Variants in MDGA2 observed in about 807,000 individuals in gnomAD.
MDGA2 encodes the protein MAM domain-containing glycosylphosphatidylinositol anchor protein 2.
MDGA2 carries 40 observed loss-of-function variants against 117.8 expected under a neutral mutation model. That is an observed-to-expected ratio of 0.34 (90% CI 0.26 to 0.44). The LOEUF is 0.44. MDGA2 is among the 20% of genes least tolerant of loss of function. MDGA2 has a pLI of 1.00. For synonymous variants in MDGA2, 452 were observed against 439.0 expected (o/e 1.03, Z -0.37); for missense variants, 1,123 against 1,250.6 (o/e 0.90, Z 1.54).
intron 3 of MDGA2, among the ~76,000 whole-genome samples, chr14:47,205,230 A>G (rs887280055): frequency 1.3e-5 from 2 of 151,566 alleles, no homozygotes; most frequent in Admixed American, 1.3e-4. Flanking sequence ...TGCTAAGTCA[A>G]CTCTTTCTTG....
At chr14:47,602,733 G>A (rs1187076907) in intron 1 of MDGA2, among the ~76,000 whole-genome samples, 1 of 152,166 alleles carries the variant, frequency 6.6e-6, no homozygotes, top group Admixed American at 6.5e-5. Flanking sequence ...ATGCAAACCA[G>A]ACAAAAGAGA....
chr14:47,018,733 G>GGAAAAAA (rs1888172108), intron 8 of MDGA2, among the ~76,000 whole-genome samples: 2 of 38,662 alleles, frequency 5.2e-5, no homozygotes, highest in African/African-American at 1.1e-4. Context: ...CCATTTTACT[G>GGAAAAAA]AAAAAAAAAA....
intron 1 of MDGA2, among the ~76,000 whole-genome samples, chr14:47,472,257 C>A (rs1893743780): frequency 6.6e-6 from 1 of 152,130 alleles, no homozygotes; most frequent in Non-Finnish European, 1.5e-5. Flanking sequence ...GGGACACATT[C>A]TGAGAAATGC....
chr14:47,569,314 C>T lies in MDGA2; in HGVS notation c.280+105203G>A, dbSNP rs1400543563. ...CCTCATTTTAATCCACAATTTTGTT[C>T]ATGCATCTTCCCCACAACTGCCTCC... On this transcript the variant is annotated intron_variant, in intron 1 of 16. Transcript: ENST00000399232. 2.0e-5 allele frequency among the ~76,000 whole-genome samples: 3 copies of T among 152,260 alleles called. No homozygotes were observed. In the East Asian group the frequency reaches 5.8e-4, roughly 29 times the overall value.
intron 1 of MDGA2, among the ~76,000 whole-genome samples, chr14:47,578,874 A>C (rs1400854117): frequency 1.3e-5 from 2 of 152,086 alleles, no homozygotes; most frequent in East Asian, 1.9e-4. Flanking sequence ...GCTTGTTTAC[A>C]TTTTGTACTG....
intron 3 of MDGA2, among the ~76,000 whole-genome samples, chr14:47,150,355 G>A (rs1039547402): frequency 6.6e-6 from 1 of 152,152 alleles, no homozygotes; most frequent in Non-Finnish European, 1.5e-5. Context: ...ACCTTTGACT[G>A]CAGAAGATAA....
chr14:47,500,556 C>T (rs1894378874), intron 1 of MDGA2, among the ~76,000 whole-genome samples: 1 of 151,992 alleles, frequency 6.6e-6, no homozygotes, highest in Non-Finnish European at 1.5e-5. Context: ...GACTTTTGGA[C>T]TCTTGGGAGG....
At chr14:47,018,471 A>C (rs1888162025) in intron 8 of MDGA2, among the ~76,000 whole-genome samples, 1 of 152,092 alleles carries the variant, frequency 6.6e-6, no homozygotes, top group Non-Finnish European at 1.5e-5. Context: ...AGCTTCTAGA[A>C]ATCTTCAATA....
At chr14:46,932,536 C>A (rs567201431) in intron 9 of MDGA2, among the ~76,000 whole-genome samples, 1 of 151,856 alleles carries the variant, frequency 6.6e-6, no homozygotes, top group African/African-American at 2.4e-5. Context: ...GTTTTATAAC[C>A]TTTCCTAAAA....
At chr14:47,074,340 AC>A (rs1409378996) in intron 6 of MDGA2, among the ~76,000 whole-genome samples, 1 of 150,418 alleles carries the variant, frequency 6.6e-6, no homozygotes, top group Non-Finnish European at 1.5e-5. Context: ...TCGCTCTGTC[AC>A]CCAGGCTGGA....
chr14:47,607,645 C>T (rs562686717), intron 1 of MDGA2, among the ~76,000 whole-genome samples: 21 of 152,150 alleles, frequency 1.4e-4, no homozygotes, highest in African/African-American at 4.6e-4. Flanking sequence ...AGGGTCCTTG[C>T]AAGCAATAGG....
chr14:47,647,311 T>C (rs960510339), intron 1 of MDGA2, among the ~76,000 whole-genome samples: 2 of 152,176 alleles, frequency 1.3e-5, no homozygotes, highest in Non-Finnish European at 2.9e-5. Flanking sequence ...GTAACACACA[T>C]GGCCTATTTC....
intron 6 of MDGA2, among the ~76,000 whole-genome samples, chr14:47,078,697 T>C (rs11157539): frequency 0.33 from 49,560 of 152,060 alleles, 8,611 homozygotes; most frequent in East Asian, 0.53. Context: ...AAGAAAATGT[T>C]GACTACTAAG....
At chr14:47,435,568 G>A (rs1400836448) in intron 1 of MDGA2, among the ~76,000 whole-genome samples, 2 of 152,156 alleles carry the variant, frequency 1.3e-5, no homozygotes, top group East Asian at 3.9e-4. Context: ...CACTGTCTAG[G>A]ACCTATGCCA....
chr14:47,449,270 C>T (rs926257639), intron 1 of MDGA2, among the ~76,000 whole-genome samples: 2 of 152,070 alleles, frequency 1.3e-5, no homozygotes, highest in Non-Finnish European at 2.9e-5. Flanking sequence ...ATTATACCAA[C>T]AAAAGCATAT....
intron 1 of MDGA2, among the ~76,000 whole-genome samples, chr14:47,382,060 C>G (rs1253127762): frequency 6.6e-6 from 1 of 152,178 alleles, no homozygotes; most frequent in Non-Finnish European, 1.5e-5. Context: ...ACATCTACAA[C>G]AATCTGATCT....
chr14:47,154,385 C>T (rs919196196), intron 3 of MDGA2, among the ~76,000 whole-genome samples: 26 of 152,184 alleles, frequency 1.7e-4, no homozygotes, highest in African/African-American at 5.8e-4. Flanking sequence ...CTGCGGGAGC[C>T]GGGAACAGGC....
At chr14:47,075,571 T>G (rs1368275587) in intron 6 of MDGA2, among the ~76,000 whole-genome samples, 1 of 152,186 alleles carries the variant, frequency 6.6e-6, no homozygotes, top group Non-Finnish European at 1.5e-5. Flanking sequence ...AATTTCCATA[T>G]TTTAATAACT....
chr14:46,921,067 A>AT (rs1884108740), intron 9 of MDGA2, among the ~76,000 whole-genome samples: 4 of 152,238 alleles, frequency 2.6e-5, no homozygotes, highest in East Asian at 3.9e-4. Context: ...CTGAAGTATA[A>AT]TTTTTTCTAT....
Sources: allele counts gnomAD v4.1 joint callset (sites outside exome capture counted in the v4.1 genomes callset), GRCh38; gene constraint gnomAD v4.1.1; transcripts MANE v1.5; gene names NCBI Gene and HGNC (gene_info 2026-07-23, HGNC 2026-07-21).